Variants in STK35 observed in about 807,000 individuals in gnomAD.
STK35 encodes serine/threonine kinase 35, also known as serine/threonine-protein kinase 35.
A neutral mutation model predicts 37.3 loss-of-function variants in STK35; 17 were observed. That is an observed-to-expected ratio of 0.46 (90% CI 0.31 to 0.68). The LOEUF is 0.68. STK35 is among the 30% of genes least tolerant of loss of function. The pLI is 0.05. For missense variants in STK35, 595 were observed against 746.7 expected, an observed-to-expected ratio of 0.80 and a Z score of 2.37; for synonymous variants, 385 against 319.1, an observed-to-expected ratio of 1.21 and a Z score of -2.20.
At chr20:2,142,582 G>A (rs1483741499) in intron 3 of STK35, among the ~76,000 whole-genome samples, 3 of 152,182 alleles carry the variant, frequency 2.0e-5, no homozygotes, top group African/African-American at 4.8e-5. Flanking sequence ...ATGACAAAAC[G>A]TCGTCTCTAC....
intron 2 of STK35, among the ~76,000 whole-genome samples, chr20:2,111,142 G>T (rs568714031): frequency 3.9e-4 from 60 of 152,184 alleles, no homozygotes; most frequent in Non-Finnish European, 6.9e-4. Context: ...TCCCTTGCCA[G>T]CCCTCACTTC....
intron 3 of STK35, among the ~76,000 whole-genome samples, chr20:2,130,485 T>C (rs949632799): frequency 1.6e-4 from 25 of 152,210 alleles, no homozygotes; most frequent in African/African-American, 5.1e-4. Context: ...TTGTACTGTT[T>C]TGCTTTTTAG....
At chr20:2,119,551 A>T (rs530585732) in intron 3 of STK35, among the ~76,000 whole-genome samples, 1 of 152,398 alleles carries the variant, frequency 6.6e-6, no homozygotes, top group African/African-American at 2.4e-5. Context: ...AGGTAGTTTC[A>T]CATGAACCAT....
At chr20:2,124,363 C>G (rs1029909645) in intron 3 of STK35, among the ~76,000 whole-genome samples, 7 of 152,058 alleles carry the variant, frequency 4.6e-5, no homozygotes, top group African/African-American at 1.7e-4. Flanking sequence ...GCCAAGGGGT[C>G]GAAGTCAGTG....
chr20:2,110,328 T>TC (rs1052193129), intron 2 of STK35, among the ~76,000 whole-genome samples: 1 of 152,224 alleles, frequency 6.6e-6, no homozygotes, highest in African/African-American at 2.4e-5. Flanking sequence ...TCTGCCCTTT[T>TC]CCCCCCTTCA....
chr20:2,111,907 C>T (rs901125915), intron 2 of STK35, among the ~76,000 whole-genome samples: 4 of 152,172 alleles, frequency 2.6e-5, no homozygotes, highest in East Asian at 3.9e-4. Flanking sequence ...CAGGGCCTCT[C>T]GCAGTTATTC....
chr20:2,109,305 T>C (rs561154877), intron 2 of STK35, among the ~76,000 whole-genome samples: 1 of 152,342 alleles, frequency 6.6e-6, no homozygotes, highest in Admixed American at 6.5e-5. Context: ...GCAAGGCCCA[T>C]GCATATGGAG....
intron 3 of STK35, among the ~76,000 whole-genome samples, chr20:2,126,246 A>G (rs969353249): frequency 1.3e-5 from 2 of 152,172 alleles, no homozygotes; most frequent in African/African-American, 4.8e-5. Context: ...CAGTGGAGGC[A>G]TTGATTGTTT....
rs1555785846 is a variant in STK35 at position 2,117,427 on chromosome 20, C to T, written c.*37+12C>T. 1 of 1,466,432 alleles carries T rather than the reference C, an allele frequency of 6.8e-7. No homozygotes were observed. Among genetic ancestry groups the T allele is most frequent in the Non-Finnish European group, 9.3e-7 (1 of 1,077,340 alleles). 90.8% of individuals were successfully genotyped at this position (1,466,432 alleles called of 1,614,324 possible). A position where few individuals can be genotyped will look rare whatever the true frequency, so the allele number is the denominator to read the frequency against. On this transcript the variant is annotated intron_variant, in intron 3 of 3. Coordinates refer to ENST00000381482, the MANE Select transcript of STK35 (RefSeq NM_080836.4). The surrounding 1 kb of genome is among the most constrained non-coding windows in gnomAD (Gnocchi z 4.4). ...TGATTTTAAACTAGGTGAGTGCTCT[C>T]TGTTGTTGTTTTTTGTTTTTTGTTT... is the stretch of plus-strand genomic sequence containing the variant.
In STK35 at chr20:2,101,885, G is replaced by A; in HGVS notation, c.4G>A (p.Gly2Ser). 2 of 1,429,104 alleles carry A rather than the reference G, an allele frequency of 1.4e-6. No individual in the cohort carries two copies. The highest frequency in any genetic ancestry group is 1.4e-5 in the South Asian group (1 of 71,574). 88.5% of individuals were successfully genotyped at this position (1,429,104 alleles called of 1,614,324 possible). The stretch of plus-strand genomic sequence containing the variant: ...CACTCGGCTGGCGTCCCGGGGGATG[G>A]GCCACCAGGAGTCTCCGCTGGCCCG... M[G>S]HQESPLARAP... is the part of the protein sequence containing the mutation. The change falls in exon 1 of 4, where the codon GGC (glycine) becomes AGC (serine). Residue 2 changes from glycine to serine, a missense_variant. Around this residue, in one of 3 missense-constraint regions of STK35, gnomAD observed 389 missense variants for 320.0 expected, o/e 1.22. Transcript: ENST00000381482.
chr20:2,117,684 A>G lies in STK35; in HGVS notation c.*37+269A>G, dbSNP rs1360516643. ...GGTCTCAAACTTCTGACCTCAAGCG[A>G]TCTGCTGGTCTCAGCCTCCCAAAGT... is the stretch of plus-strand genomic sequence containing the variant. On this transcript the variant is annotated intron_variant, in intron 3 of 3. Transcript: ENST00000381482. The surrounding 1 kb of genome is among the most constrained non-coding windows in gnomAD (Gnocchi z 4.4). 6.6e-6 allele frequency among the ~76,000 whole-genome samples: 1 copy of G among 152,082 alleles called. No individual in the cohort carries two copies. The highest frequency in any genetic ancestry group is 1.5e-5 in the Non-Finnish European group (1 of 68,022).
intron 2 of STK35, among the ~76,000 whole-genome samples, chr20:2,113,817 T>C (rs1037871360): frequency 1.3e-5 from 2 of 152,168 alleles, no homozygotes; most frequent in Admixed American, 6.5e-5. Flanking sequence ...ACAGTACTCA[T>C]GTGGTATAGT....
chr20:2,146,508 C>T lies in STK35; in HGVS notation c.*2762C>T, dbSNP rs954659579. On this transcript the variant is annotated 3_prime_UTR_variant, in exon 4 of 4. Coordinates refer to ENST00000381482, the MANE Select transcript of STK35 (RefSeq NM_080836.4). ...CCCTTTGGAGGGGGACTCTTGACCT[C>T]GGCTGTTAGGGATCTGAACTTGGTT... 3 of 152,754 alleles carry T rather than the reference C, an allele frequency of 2.0e-5. No homozygotes were observed. Among genetic ancestry groups the T allele is most frequent in the East Asian group, 3.8e-4 (2 of 5,204 alleles). 9.5% of individuals were successfully genotyped at this position (152,754 alleles called of 1,614,324 possible).
chr20:2,140,419 A>G (rs1295757284), intron 3 of STK35, among the ~76,000 whole-genome samples: 4 of 152,208 alleles, frequency 2.6e-5, no homozygotes, highest in African/African-American at 4.8e-5. Context: ...TATTGTGCCC[A>G]CAAGTACCTG....
chr20:2,108,802 T>G (rs571906235), intron 2 of STK35, among the ~76,000 whole-genome samples: 1 of 152,210 alleles, frequency 6.6e-6, no homozygotes, highest in African/African-American at 2.4e-5. Context: ...AGGCTTTTTA[T>G]AGTATAAACT....
Position 2,103,044 on chromosome 20 carries a change from C to T in STK35, c.571C>T (p.Pro191Ser). The change falls in exon 2 of 4, where the codon CCT (proline) becomes TCT (serine). Residue 191 changes from proline to serine, a missense_variant. Around this residue, in one of 3 missense-constraint regions of STK35, gnomAD observed 389 missense variants for 320.0 expected, o/e 1.22. Coordinates refer to ENST00000381482, the MANE Select transcript of STK35 (RefSeq NM_080836.4). ...CGAGGCCTTCCTGGCGCGGCGACGG[C>T]CTGAGGGCGGTGGCGGGTCCGCGCG... ...PGEAFLARRR[P>S]EGGGGSARPR... 1 of 1,542,134 alleles carries T rather than the reference C, an allele frequency of 6.5e-7. No individual in the cohort carries two copies. The highest frequency in any genetic ancestry group is 8.7e-7 in the Non-Finnish European group (1 of 1,154,388).
At chr20:2,128,585 T>C (rs1465992703) in intron 3 of STK35, among the ~76,000 whole-genome samples, 1 of 152,140 alleles carries the variant, frequency 6.6e-6, no homozygotes, top group Non-Finnish European at 1.5e-5. Context: ...TGTGGCCTCT[T>C]ACTCCTGTGG....
At chr20:2,116,645 T>C in intron 2 of STK35, 21 bp from the exon 3 acceptor site, 1 of 1,603,080 alleles carries the variant, frequency 6.2e-7, no homozygotes, top group Non-Finnish European at 8.5e-7. Flanking sequence ...CTCAAGCTCC[T>C]TCCTGTCTTC....
At chr20:2,115,828 A>G (rs145870501) in intron 2 of STK35, among the ~76,000 whole-genome samples, 13 of 151,074 alleles carry the variant, frequency 8.6e-5, no homozygotes, top group Non-Finnish European at 1.6e-4. Flanking sequence ...CCACTGATCT[A>G]CTGCCTGCCT....
Sources: allele counts gnomAD v4.1 joint callset (sites outside exome capture counted in the v4.1 genomes callset), GRCh38; gene constraint gnomAD v4.1.1; regional missense constraint gnomAD v4.1.1; non-coding constraint Gnocchi (gnomAD v3.1); transcripts MANE v1.5; gene names NCBI Gene and HGNC (gene_info 2026-07-23, HGNC 2026-07-21).